The following DMXL2 variants were observed in gnomAD, a reference collection of about 807,000 sequenced individuals.
DMXL2 encodes Dmx like 2.
Under a neutral mutation model 331.1 loss-of-function variants are expected in DMXL2, and 103 were observed. The observed-to-expected ratio is 0.31, with a 90% CI of 0.27 to 0.37. The LOEUF is 0.37. DMXL2 is among the 10% of genes least tolerant of loss of function. The pLI is 1.00. For synonymous variants in DMXL2, 1,281 were observed against 1,252.1 expected, an observed-to-expected ratio of 1.02 and a Z score of -0.49; for missense variants, 3,171 against 3,642.9, an observed-to-expected ratio of 0.87 and a Z score of 3.33.
At chr15:51,589,815 TTAAA>T (rs1238777083) in intron 1 of DMXL2, among the ~76,000 whole-genome samples, 1 of 152,204 alleles carries the variant, frequency 6.6e-6, no homozygotes, top group African/African-American at 2.4e-5. Flanking sequence ...ATAAAGAGAA[TTAAA>T]TAGAGTACTT....
At chr15:51,479,880 A>C in intron 25 of DMXL2, 68 bp downstream of exon 25, 1 of 1,227,800 alleles carries the variant, frequency 8.1e-7, no homozygotes. Context: ...GTTCGAATTA[A>C]AAGACAGGTA....
At chr15:51,601,309 T>G (rs1293030566) in intron 1 of DMXL2, among the ~76,000 whole-genome samples, 1 of 103,476 alleles carries the variant, frequency 9.7e-6, no homozygotes, top group Non-Finnish European at 2.2e-5. Context: ...AAAAAAAAAT[T>G]TGATGTTTTA....
At chr15:51,587,535 A>G (rs938140153) in intron 1 of DMXL2, among the ~76,000 whole-genome samples, 12 of 152,200 alleles carry the variant, frequency 7.9e-5, no homozygotes, top group Admixed American at 7.2e-4. Flanking sequence ...TCCATGGTGT[A>G]TATGTGCCAC....
Position 51,456,194 on chromosome 15 carries a change from C to A in DMXL2, c.8399-1G>T. On this transcript the variant is annotated splice_acceptor_variant, in intron 38 of 43. Coordinates refer to ENST00000560891, the MANE Select transcript of DMXL2 (RefSeq NM_001378457.1). LOFTEE classifies it high-confidence loss of function. ...CTGCCGTCCTGAGCACCTGTAAGAT[C>A]TGAAACACAAGAGAAAAAGCAGGAA... 1 of 1,608,522 alleles carries A rather than the reference C, an allele frequency of 6.2e-7. No homozygotes were observed. The highest frequency in any genetic ancestry group is 8.5e-7 in the Non-Finnish European group (1 of 1,178,086).
chr15:51,599,423 T>C (rs1271457975), intron 1 of DMXL2, among the ~76,000 whole-genome samples: 3 of 152,182 alleles, frequency 2.0e-5, no homozygotes, highest in Non-Finnish European at 4.4e-5. Context: ...TATGTATCTA[T>C]AGACAGACAC....
Position 51,486,135 on chromosome 15 carries a change from T to A in DMXL2, c.5420A>T (p.Asp1807Val). ...TAATGTGTCCAAGGCTCGGGTGTAA[T>A]CTTTCATTACCCAATAGGCAAGACT... The part of the protein sequence containing the change: ...LRSLAYWVMK[D>V]YTRALDTLLE... Residue 1807 changes from aspartate to valine, a missense_variant, in exon 23 of 44, where the codon GAT (aspartate) becomes GTT (valine). Transcript: ENST00000560891. The A allele has an allele frequency of 6.2e-7, 1 of 1,614,066 alleles. No individual in the cohort carries two copies. The highest frequency in any genetic ancestry group is 8.5e-7 in the Non-Finnish European group (1 of 1,179,934).
rs1185655908 is a variant in DMXL2, at chr15:51,491,578, C to A, written c.4953G>T (p.Lys1651Asn). ...NINTLRRCIE[K>N]VAKASFQRNN... Reference sequence around the variant, plus strand: ...TCAAAATCCACTAAAGAAAAGTTACCTTTTCAATGCATCTTCGAAGCGTGT... The same window carrying A: ...TCAAAATCCACTAAAGAAAAGTTACATTTTCAATGCATCTTCGAAGCGTGT... Residue 1651 changes from lysine (K) to asparagine (N), a missense_variant and splice_region_variant, in exon 20 of 44, where the codon AAG becomes AAT. By Grantham distance (94) the Lys-to-Asn change is moderately conservative (BLOSUM62 0). Coordinates refer to ENST00000560891, the MANE Select transcript of DMXL2 (RefSeq NM_001378457.1). 10 of 1,589,386 alleles carry A rather than the reference C, an allele frequency of 6.3e-6. No homozygotes were observed. Among genetic ancestry groups the A allele is most frequent in the Non-Finnish European group, 7.7e-6 (9 of 1,172,762 alleles).
At chr15:51,488,505 AT>A in intron 21 of DMXL2, 42 bp downstream of exon 21, 1 of 1,517,020 alleles carries the variant, frequency 6.6e-7, no homozygotes, top group South Asian at 1.2e-5. Flanking sequence ...TCACAGCACA[AT>A]CTTCATTCTG....
At chr15:51,621,033 C>T (rs558237348) in intron 1 of DMXL2, among the ~76,000 whole-genome samples, 1 of 152,328 alleles carries the variant, frequency 6.6e-6, no homozygotes, top group South Asian at 2.1e-4. Flanking sequence ...GCCCACTCTT[C>T]TAACCCTGAG....
In DMXL2 at chr15:51,538,203, G is replaced by C. The variant is rs2048390815; in HGVS notation, c.1345+10C>G. 1 of 1,606,330 alleles carries C rather than the reference G, an allele frequency of 6.2e-7. No individual in the cohort carries two copies. Among genetic ancestry groups the C allele is most frequent in the African/African-American group, 1.3e-5 (1 of 74,648 alleles). ...TTGGAGTAAGTAAAATCTGAACACAGGATACTAACCATGGTCTAATTTCAT... is the reference window on the plus strand; with the variant it reads ...TTGGAGTAAGTAAAATCTGAACACACGATACTAACCATGGTCTAATTTCAT... On this transcript the variant is annotated intron_variant, in intron 10 of 43. Coordinates refer to ENST00000560891, the MANE Select transcript of DMXL2 (RefSeq NM_001378457.1).
intron 29 of DMXL2, among the ~76,000 whole-genome samples, chr15:51,467,274 T>C (rs1238459770): frequency 6.6e-6 from 1 of 152,158 alleles, no homozygotes; most frequent in African/African-American, 2.4e-5. Flanking sequence ...AGGAAATGTA[T>C]GGATAGATCT....
At chr15:51,522,508 G>A (rs2047434292) in intron 13 of DMXL2, among the ~76,000 whole-genome samples, 1 of 152,188 alleles carries the variant, frequency 6.6e-6, no homozygotes, top group African/African-American at 2.4e-5. Context: ...GCTGGGCATG[G>A]TGGCAGACGC....
intron 19 of DMXL2, among the ~76,000 whole-genome samples, chr15:51,493,764 TTGAC>T (rs1159078274): frequency 6.6e-6 from 1 of 152,156 alleles, no homozygotes; most frequent in Non-Finnish European, 1.5e-5. Context: ...TCAATACCAC[TTGAC>T]TATCACCCAA....
chr15:51,595,090 G>A (rs1345674906), intron 1 of DMXL2, among the ~76,000 whole-genome samples: 1 of 152,190 alleles, frequency 6.6e-6, no homozygotes, highest in Non-Finnish European at 1.5e-5. Flanking sequence ...GCAGGAGAAG[G>A]AAATAAAGGG....
chr15:51,465,002 G>T, intron 31 of DMXL2, 126 bp from the exon 32 acceptor site: 1 of 859,842 alleles, frequency 1.2e-6, no homozygotes, highest in Non-Finnish European at 1.8e-6. Context: ...AAATGTTAAT[G>T]TAATACAGTT....
Position 51,605,833 on chromosome 15 carries a change from G to A in DMXL2, c.87+16626C>T, listed in dbSNP as rs539045482. ...GCTGGGATTACAGGCGTGAGCCACCGCGCCCGGCCCCAGATTAATATTCTT... is the reference window on the plus strand; with the variant it reads ...GCTGGGATTACAGGCGTGAGCCACCACGCCCGGCCCCAGATTAATATTCTT... On this transcript the variant is annotated intron_variant, in intron 1 of 43. Transcript: ENST00000560891. 1.4e-4 allele frequency among the ~76,000 whole-genome samples: 6 copies of A among 42,288 alleles called. 2 individuals are homozygous for A. The highest frequency in any genetic ancestry group is 1.2e-3 in the South Asian group (2 of 1,720). 27.7% of individuals were successfully genotyped at this position (42,288 alleles called of 152,430 possible).
intron 15 of DMXL2, among the ~76,000 whole-genome samples, chr15:51,510,802 G>T (rs576740551): frequency 6.6e-6 from 1 of 152,088 alleles, no homozygotes; most frequent in Non-Finnish European, 1.5e-5. Context: ...ATACTACAAG[G>T]CTACAGTAAC....
At chr15:51,548,567 C>T (rs1053532045) in intron 6 of DMXL2, among the ~76,000 whole-genome samples, 4 of 151,958 alleles carry the variant, frequency 2.6e-5, no homozygotes, top group East Asian at 1.9e-4. Context: ...TTTCAGACTA[C>T]GTAACAAAGA....
At chr15:51,480,195 C>A in intron 24 of DMXL2, 56 bp from the exon 25 acceptor site, 1 of 1,420,596 alleles carries the variant, frequency 7.0e-7, no homozygotes, top group Middle Eastern at 1.9e-4. Context: ...TTTATCAGTT[C>A]TCTGACAGAA....
Sources: gnomAD v4.1 joint callset for allele counts (sites outside exome capture counted in the v4.1 genomes callset) on GRCh38, gnomAD v4.1.1 for gene constraint, MANE v1.5 for transcripts, NCBI Gene and HGNC (gene_info 2026-07-23, HGNC 2026-07-21) for gene names.